The following GLIPR1L2 variants were observed in gnomAD, a reference collection of about 807,000 sequenced individuals.
GLIPR1L2 encodes the protein GLIPR1 like 2.
In GLIPR1L2, 21 loss-of-function variants were observed where a neutral mutation model predicts 28.4. That is an observed-to-expected ratio of 0.74 (90% CI 0.52 to 1.06). The LOEUF (loss-of-function observed/expected upper bound fraction) is 1.06. GLIPR1L2 is among the 50% of genes least tolerant of loss of function. GLIPR1L2 has a pLI of 0.00. For missense variants in GLIPR1L2, 476 were observed against 416.9 expected, an observed-to-expected ratio of 1.14 and a Z score of -1.23; for synonymous variants, 145 against 139.3, an observed-to-expected ratio of 1.04 and a Z score of -0.29.
rs146685386 is a variant in GLIPR1L2, at chr12:75,430,574, T to C, written c.671-141T>C. 1.1e-4 allele frequency: 78 copies of C among 686,978 alleles called. No individual in the cohort carries two copies. In the African/African-American group the frequency reaches 1.3e-3, roughly 11 times the overall value. 42.6% of individuals were successfully genotyped at this position (686,978 alleles called of 1,614,324 possible). On this transcript the variant is annotated intron_variant, in intron 4 of 5. Coordinates refer to ENST00000550916, the MANE Select transcript of GLIPR1L2 (RefSeq NM_001270396.2). ...AAAGAGAATATATTGTACTTTAAAA[T>C]TGGCCACTGGTTGGAGGGAGGACAT...
chr12:75,392,840 T>C (rs1222625408), intron 1 of GLIPR1L2, among the ~76,000 whole-genome samples: 1 of 152,074 alleles, frequency 6.6e-6, no homozygotes, highest in African/African-American at 2.4e-5. Flanking sequence ...GTATTTGATA[T>C]ATAGGTTAAA....
intron 1 of GLIPR1L2, among the ~76,000 whole-genome samples, chr12:75,394,734 G>A (rs1481571781): frequency 2.0e-5 from 2 of 98,298 alleles, no homozygotes; most frequent in African/African-American, 8.0e-5. Context: ...GATTTTTTAC[G>A]AATTTTGAGA....
intron 1 of GLIPR1L2, 152 bp downstream of exon 1, chr12:75,391,502 C>A (rs2045595197): frequency 1.9e-6 from 3 of 1,538,546 alleles, no homozygotes; most frequent in African/African-American, 1.4e-5. Flanking sequence ...GAAGTTTACA[C>A]AGAGAAAAAC....
At chr12:75,407,321 A>G (rs12818326) in intron 1 of GLIPR1L2, among the ~76,000 whole-genome samples, 25,655 of 152,012 alleles carry the variant, frequency 0.17, 2,362 homozygotes, top group Admixed American at 0.23. Context: ...GCAACTTTAT[A>G]TCCTTCAGCT....
At chr12:75,409,648 TATATATA>T (rs1202337815) in intron 1 of GLIPR1L2, among the ~76,000 whole-genome samples, 1 of 146,916 alleles carries the variant, frequency 6.8e-6, no homozygotes, top group Non-Finnish European at 1.5e-5. Context: ...TAGGATCTTA[TATATATA>T]ATATATATGT....
At chr12:75,414,229 C>G (rs1477125351) in intron 3 of GLIPR1L2, among the ~76,000 whole-genome samples, 1 of 151,910 alleles carries the variant, frequency 6.6e-6, no homozygotes, top group Non-Finnish European at 1.5e-5. Context: ...ATACCATATA[C>G]CTGGGTGCCT....
At position 75,391,467 on chromosome 12, in the gene GLIPR1L2, T is replaced by G. The variant is rs1198883708; in HGVS notation, c.234+117T>G. The G allele has an allele frequency of 5.1e-6, 8 of 1,563,964 alleles. No individual in the cohort carries two copies. The East Asian group carries it at 7.2e-5, about 14-fold the overall frequency. On this transcript the variant is annotated intron_variant, in intron 1 of 5. Transcript: ENST00000550916. The stretch of plus-strand genomic sequence containing the variant: ...TGAAGGATCGCGGAGAACCGCACTT[T>G]TAGCTTGGTTTTTAAAGTACACGTG...
chr12:75,425,045 T>C (rs1200039918), intron 4 of GLIPR1L2, among the ~76,000 whole-genome samples: 1 of 151,782 alleles, frequency 6.6e-6, no homozygotes, highest in Non-Finnish European at 1.5e-5. Context: ...GCTGTCCACA[T>C]AGAGATGTGG....
chr12:75,417,792 T>C (rs1438587329), intron 3 of GLIPR1L2, among the ~76,000 whole-genome samples: 1 of 151,974 alleles, frequency 6.6e-6, no homozygotes, highest in Non-Finnish European at 1.5e-5. Context: ...CTATATTACA[T>C]ATAATTATTT....
chr12:75,418,585 G>A (rs4409878), intron 3 of GLIPR1L2, among the ~76,000 whole-genome samples: 52,996 of 151,952 alleles, frequency 0.35, 9,608 homozygotes, highest in East Asian at 0.46. Flanking sequence ...CTGTCCCATT[G>A]TAGTAATAGT....
chr12:75,423,103 G>T, intron 4 of GLIPR1L2, 114 bp downstream of exon 4: 1 of 1,579,838 alleles, frequency 6.3e-7, no homozygotes, highest in Non-Finnish European at 8.6e-7. Flanking sequence ...TGATCAGAAT[G>T]CTACTATTAT....
chr12:75,422,439 A>T (rs1252609821), intron 3 of GLIPR1L2, among the ~76,000 whole-genome samples: 1 of 151,618 alleles, frequency 6.6e-6, no homozygotes, highest in Non-Finnish European at 1.5e-5. Flanking sequence ...AGTAGCTGGG[A>T]CTACAGGCAC....
At position 75,391,310 on chromosome 12, in the gene GLIPR1L2, G is replaced by T. The variant is rs116411652; in HGVS notation, c.194G>T (p.Arg65Leu). 8 of 1,614,056 alleles carry T rather than the reference G, an allele frequency of 5.0e-6. No homozygotes were observed. Among genetic ancestry groups the T allele is most frequent in the Non-Finnish European group, 6.8e-6 (8 of 1,180,032 alleles). Residue 65 changes from arginine (R) to leucine (L), a missense_variant, in exon 1 of 6, where the codon CGG (arginine) becomes CTG (leucine). Physicochemically the swap from Arg to Leu is moderately radical, Grantham distance 102. Transcript: ENST00000550916. ...TACGTGAACCTCCACAATGAGCTGC[G>T]GGGCGACGTCATTCCCCGAGGGTCT... ...NEYVNLHNEL[R>L]GDVIPRGSNL...
intron 1 of GLIPR1L2, among the ~76,000 whole-genome samples, chr12:75,402,105 G>C (rs1440115000): frequency 6.6e-6 from 1 of 152,146 alleles, no homozygotes; most frequent in Non-Finnish European, 1.5e-5. Flanking sequence ...AGATGAGATT[G>C]CAAGAAGTGT....
At chr12:75,406,164 G>A (rs995753359) in intron 1 of GLIPR1L2, among the ~76,000 whole-genome samples, 10 of 151,094 alleles carry the variant, frequency 6.6e-5, no homozygotes, top group Non-Finnish European at 1.2e-4. Flanking sequence ...AAAAAATTAT[G>A]TTACCCCCAT....
chr12:75,422,774 G>A lies in GLIPR1L2; in HGVS notation c.585-130G>A, dbSNP rs1174740755. On this transcript the variant is annotated intron_variant, in intron 3 of 5. Transcript: ENST00000550916. ...GGGAAACATTGAATCTCTAATTAAA[G>A]TATTTCCTTAAGTCCAGTTTCTTAA... The A allele has an allele frequency of 4.5e-6, 3 of 659,804 alleles. No individual in the cohort carries two copies. The African/African-American group carries it at 5.7e-5, about 13-fold the overall frequency. The allele number at this position is 659,804 out of a possible 1,614,324, so 40.9% of individuals were successfully genotyped here. A position where few individuals can be genotyped will look rare whatever the true frequency, so the allele number is the denominator to read the frequency against.
chr12:75,423,255 C>T (rs1159900997), intron 4 of GLIPR1L2: 2 of 1,267,108 alleles, frequency 1.6e-6, no homozygotes, highest in East Asian at 3.4e-5. Flanking sequence ...ACAGTTATAC[C>T]CTTAAAAAGC....
intron 4 of GLIPR1L2, among the ~76,000 whole-genome samples, chr12:75,424,247 A>C (rs2139962872): frequency 6.6e-6 from 1 of 152,268 alleles, no homozygotes; most frequent in Admixed American, 6.5e-5. Flanking sequence ...CTGACTTTTT[A>C]ATGATCACTG....
intron 2 of GLIPR1L2, among the ~76,000 whole-genome samples, chr12:75,412,802 C>A (rs921951695): frequency 7.9e-5 from 12 of 152,140 alleles, no homozygotes; most frequent in South Asian, 2.1e-4. Flanking sequence ...CCTCAGGGAT[C>A]TAGAACTAGA....
Sources: gnomAD v4.1 joint callset for allele counts (sites outside exome capture counted in the v4.1 genomes callset) on GRCh38, gnomAD v4.1.1 for gene constraint, MANE v1.5 for transcripts, NCBI Gene and HGNC (gene_info 2026-07-23, HGNC 2026-07-21) for gene names.